PIK3CA: variants seen among roughly 807,000 people sequenced by gnomAD.
The protein encoded by PIK3CA is phosphatidylinositol 4,5-bisphosphate 3-kinase catalytic subunit alpha isoform.
Under a neutral mutation model 138.2 loss-of-function variants are expected in PIK3CA, and 27 were observed. The observed-to-expected ratio is 0.20, with a 90% confidence interval of 0.14 to 0.27. The LOEUF (loss-of-function observed/expected upper bound fraction) is 0.27. Among genes scored for constraint, PIK3CA ranks in the 10% least tolerant of loss-of-function variants. The pLI is 1.00. For synonymous variants in PIK3CA, 358 were observed against 413.2 expected (o/e 0.87, Z 1.62); for missense variants, 544 against 1,277.4 (o/e 0.43, Z 8.75).
intron 6 of PIK3CA, among the ~76,000 whole-genome samples, chr3:179,204,912 T>C (rs914149403): frequency 6.0e-5 from 9 of 149,468 alleles, no homozygotes; most frequent in Non-Finnish European, 1.0e-4. Context: ...TCCCAGCTAC[T>C]TGGGAGACTG....
chr3:179,199,641 T>C, intron 2 of PIK3CA, 49 bp from the exon 3 acceptor site: 1 of 1,285,806 alleles, frequency 7.8e-7, no homozygotes, highest in Non-Finnish European at 1.1e-6. Context: ...AACATGTTCA[T>C]GCTGTGTATG....
chr3:179,158,232 G>A (rs938123165), intron 1 of PIK3CA, among the ~76,000 whole-genome samples: 2 of 152,014 alleles, frequency 1.3e-5, no homozygotes, highest in African/African-American at 4.8e-5. Flanking sequence ...TTTCATTCTA[G>A]CTCTAGGAAT....
At chr3:179,190,098 G>A (rs1164699288) in intron 1 of PIK3CA, among the ~76,000 whole-genome samples, 4 of 152,150 alleles carry the variant, frequency 2.6e-5, no homozygotes, top group Non-Finnish European at 4.4e-5. Context: ...TTAAAATTAC[G>A]CTTCTTAGCC....
intron 1 of PIK3CA, among the ~76,000 whole-genome samples, chr3:179,173,492 T>C (rs1243609032): frequency 6.8e-6 from 1 of 148,102 alleles, no homozygotes; most frequent in African/African-American, 2.5e-5. Context: ...GGCAGGGGAA[T>C]GGCAGGAATC....
chr3:179,183,046 T>C (rs1723888260), intron 1 of PIK3CA, among the ~76,000 whole-genome samples: 1 of 152,252 alleles, frequency 6.6e-6, no homozygotes, highest in South Asian at 2.1e-4. Context: ...TCTCTCTGAT[T>C]GCACTTCTGG....
At chr3:179,192,980 G>A (rs1159563087) in intron 1 of PIK3CA, among the ~76,000 whole-genome samples, 1 of 152,170 alleles carries the variant, frequency 6.6e-6, no homozygotes, top group East Asian at 1.9e-4. Context: ...AAACCTTCCA[G>A]TATAAAAGTC....
intron 17 of PIK3CA, among the ~76,000 whole-genome samples, chr3:179,228,889 A>G (rs1001484513): frequency 9.9e-5 from 15 of 152,110 alleles, no homozygotes; most frequent in African/African-American, 3.6e-4. Context: ...CTACAAGTGT[A>G]AAGGAGTCCT....
rs188840855 is a variant in PIK3CA, at chr3:179,176,939, C to A, written c.-76-21811C>A. 6.8e-3 allele frequency among the ~76,000 whole-genome samples: 1,029 copies of A among 152,286 alleles called. 64 individuals carry two copies. The South Asian group carries it at 0.14, about 20-fold the overall frequency. On this transcript the variant is annotated intron_variant, in intron 1 of 20. Transcript: ENST00000263967. ...CATTCCTACCAACAATCTGAGAGAG[C>A]TGTCTTTGCAGTTACTAGGTTTCAT... is the stretch of plus-strand genomic sequence containing the variant.
Position 179,220,012 on chromosome 3 carries a change from A to G in PIK3CA, c.1975A>G (p.Thr659Ala). Residue 659 changes from threonine (T) to alanine (A), a missense_variant, in exon 13 of 21, where the codon ACT (threonine) becomes GCT (alanine). By Grantham distance (58) the Thr-to-Ala change is moderately conservative. Coordinates refer to ENST00000263967, the MANE Select transcript of PIK3CA (RefSeq NM_006218.4). This position sits in a 1 kb window ranked among gnomAD's most constrained non-coding sequence, Gnocchi z 4.1. ...GAGATTTTTACTGAAGAAAGCATTG[A>G]CTAATCAAAGGATTGGGCACTTTTT... is the stretch of plus-strand genomic sequence containing the variant. ...LVRFLLKKAL[T>A]NQRIGHFFFW... The G allele has an allele frequency of 6.3e-7, 1 of 1,599,976 alleles. No individual in the cohort carries two copies. Among genetic ancestry groups the G allele is most frequent in the Non-Finnish European group, 8.5e-7 (1 of 1,175,232 alleles).
chr3:179,163,734 C>T (rs1019398241), intron 1 of PIK3CA, among the ~76,000 whole-genome samples: 4 of 151,738 alleles, frequency 2.6e-5, no homozygotes, highest in African/African-American at 4.8e-5. Context: ...GCATAAGGGA[C>T]ATGTTTTTCC....
intron 4 of PIK3CA, among the ~76,000 whole-genome samples, chr3:179,202,443 G>C (rs1216418074): frequency 1.3e-5 from 2 of 152,132 alleles, no homozygotes; most frequent in Non-Finnish European, 2.9e-5. Context: ...AAAAATCCAT[G>C]ACCTACTGTT....
intron 1 of PIK3CA, among the ~76,000 whole-genome samples, chr3:179,167,980 G>A (rs142955380): frequency 8.9e-4 from 136 of 152,114 alleles, no homozygotes; most frequent in Middle Eastern, 6.8e-3. Flanking sequence ...CTGTTGTATT[G>A]TTTTTCCTGA....
In PIK3CA at chr3:179,238,399, A is replaced by G. The variant is rs538339691; in HGVS notation, c.*4035A>G. Reference sequence around the variant, plus strand: ...AAGCCTGCTTTCTTTTTTCATAAAAATTATTTTTACTGTATGAAAAGATCA... The same window carrying G: ...AAGCCTGCTTTCTTTTTTCATAAAAGTTATTTTTACTGTATGAAAAGATCA... On this transcript the variant is annotated 3_prime_UTR_variant, in exon 21 of 21. Transcript: ENST00000263967. 1 of 218,482 alleles carries G rather than the reference A, an allele frequency of 4.6e-6. No individual in the cohort carries two copies. Among genetic ancestry groups the G allele is most frequent in the African/African-American group, 2.2e-5 (1 of 44,632 alleles). The allele number at this position is 218,482 out of a possible 1,614,324, so 13.5% of individuals were successfully genotyped here.
At chr3:179,182,984 A>C (rs1723886463) in intron 1 of PIK3CA, among the ~76,000 whole-genome samples, 1 of 152,192 alleles carries the variant, frequency 6.6e-6, no homozygotes, top group Admixed American at 6.5e-5. Context: ...CATTCATAGA[A>C]CTTGTCTTCA....
intron 6 of PIK3CA, among the ~76,000 whole-genome samples, chr3:179,209,370 A>G (rs1039279861): frequency 1.8e-4 from 27 of 152,132 alleles, no homozygotes; most frequent in Admixed American, 1.4e-3. Context: ...ATGTATAGTG[A>G]TATCTCCATG....
intron 20 of PIK3CA, among the ~76,000 whole-genome samples, chr3:179,232,733 AG>A (rs1436115337): frequency 1.3e-5 from 2 of 152,052 alleles, no homozygotes; most frequent in Non-Finnish European, 2.9e-5. Flanking sequence ...TGAAGCTAAA[AG>A]GGCTTGTGTT....
At chr3:179,173,632 C>T (rs1280206101) in intron 1 of PIK3CA, among the ~76,000 whole-genome samples, 1 of 152,030 alleles carries the variant, frequency 6.6e-6, no homozygotes, top group African/African-American at 2.4e-5. Flanking sequence ...ATTGATGGTT[C>T]ATAGACCTAA....
chr3:179,212,530 G>C (rs1724740071), intron 9 of PIK3CA, among the ~76,000 whole-genome samples: 1 of 151,872 alleles, frequency 6.6e-6, no homozygotes, highest in South Asian at 2.1e-4. Context: ...CTTGAACCTG[G>C]GAGATGGAGG....
At chr3:179,183,364 C>G (rs1723897053) in intron 1 of PIK3CA, among the ~76,000 whole-genome samples, 1 of 151,952 alleles carries the variant, frequency 6.6e-6, no homozygotes, top group African/African-American at 2.4e-5. Context: ...TCGTAACATC[C>G]CAGATAGACT....
Sources: allele counts gnomAD v4.1 joint callset (sites outside exome capture counted in the v4.1 genomes callset), GRCh38; gene constraint gnomAD v4.1.1; non-coding constraint Gnocchi (gnomAD v3.1); transcripts MANE v1.5; gene names NCBI Gene and HGNC (gene_info 2026-07-23, HGNC 2026-07-21).